Variants in PARD3B observed in about 807,000 individuals in gnomAD.
PARD3B encodes the protein par-3 family cell polarity regulator beta.
Under a neutral mutation model 130.2 loss-of-function variants are expected in PARD3B, and 103 were observed. That is an observed-to-expected ratio of 0.79 (90% CI 0.67 to 0.93). PARD3B has a LOEUF of 0.93. Ranked by LOEUF, PARD3B falls within the 40% of genes least tolerant of loss-of-function variation. The pLI is 0.00. For synonymous variants in PARD3B, 583 were observed against 553.2 expected (o/e 1.05, Z -0.76); for missense variants, 1,609 against 1,499.2 (o/e 1.07, Z -1.21).
At chr2:204,688,293 A>G (rs1174637162) in intron 2 of PARD3B, among the ~76,000 whole-genome samples, 1 of 152,130 alleles carries the variant, frequency 6.6e-6, no homozygotes, top group African/African-American at 2.4e-5. Context: ...TTCTTAAAAA[A>G]TACGTAAGTG....
At chr2:204,599,470 T>A (rs1179443631) in intron 1 of PARD3B, among the ~76,000 whole-genome samples, 1 of 151,962 alleles carries the variant, frequency 6.6e-6, no homozygotes, top group Non-Finnish European at 1.5e-5. Context: ...TTATTTCACT[T>A]AACCTGGTAT....
chr2:204,861,614 A>G (rs1367837937), intron 2 of PARD3B, among the ~76,000 whole-genome samples: 1 of 152,110 alleles, frequency 6.6e-6, no homozygotes, highest in Non-Finnish European at 1.5e-5. Context: ...TGAGCCACCA[A>G]AATTACCATC....
At chr2:205,040,414 G>A (rs1455354132) in intron 3 of PARD3B, among the ~76,000 whole-genome samples, 1 of 152,230 alleles carries the variant, frequency 6.6e-6, no homozygotes, top group African/African-American at 2.4e-5. Flanking sequence ...ATAATGGTTA[G>A]AAGGAAAGTT....
At chr2:205,411,469 C>T (rs1447443817) in intron 19 of PARD3B, among the ~76,000 whole-genome samples, 1 of 152,104 alleles carries the variant, frequency 6.6e-6, no homozygotes, top group African/African-American at 2.4e-5. Context: ...TGCTTCAAGT[C>T]TCATGTGTTA....
At chr2:205,468,011 G>A (rs2048691913) in intron 20 of PARD3B, among the ~76,000 whole-genome samples, 1 of 152,202 alleles carries the variant, frequency 6.6e-6, no homozygotes, top group African/African-American at 2.4e-5. Flanking sequence ...GCCAGATGCT[G>A]CACAGTAAGG....
intron 1 of PARD3B, 91 bp downstream of exon 1, chr2:204,546,210 C>T (rs770376441): frequency 7.3e-5 from 110 of 1,515,268 alleles, no homozygotes; most frequent in Admixed American, 1.4e-4. Context: ...TGCAGAAAAC[C>T]CAGGGGATTA....
chr2:205,107,897 A>G (rs1703339428), intron 5 of PARD3B, among the ~76,000 whole-genome samples: 1 of 152,160 alleles, frequency 6.6e-6, no homozygotes, highest in Non-Finnish European at 1.5e-5. Context: ...TTAAATAGCA[A>G]GCAATATGTA....
chr2:205,536,712 A>T (rs1559191091), intron 21 of PARD3B, among the ~76,000 whole-genome samples: 2 of 152,178 alleles, frequency 1.3e-5, no homozygotes. Flanking sequence ...ACTTCCTTCC[A>T]AGTGACTTGG....
intron 1 of PARD3B, among the ~76,000 whole-genome samples, chr2:204,564,844 A>C (rs775046651): frequency 7.2e-5 from 11 of 152,254 alleles, no homozygotes; most frequent in Non-Finnish European, 1.2e-4. Context: ...AATTGTAGAT[A>C]TGCTTTTTGT....
At chr2:204,963,754 A>G (rs527506384) in intron 2 of PARD3B, among the ~76,000 whole-genome samples, 31 of 152,282 alleles carry the variant, frequency 2.0e-4, no homozygotes, top group African/African-American at 7.0e-4. Flanking sequence ...CTTATCTCCA[A>G]TAAGTTCATC....
intron 4 of PARD3B, among the ~76,000 whole-genome samples, chr2:205,065,583 G>A (rs1425613320): frequency 6.6e-6 from 1 of 152,126 alleles, no homozygotes; most frequent in Non-Finnish European, 1.5e-5. Flanking sequence ...AGTGGGAGGT[G>A]TTTGAATCAT....
intron 1 of PARD3B, among the ~76,000 whole-genome samples, chr2:204,674,644 T>G (rs1472655321): frequency 6.6e-6 from 1 of 152,224 alleles, no homozygotes; most frequent in South Asian, 2.1e-4. Context: ...CCAGTACCTC[T>G]TCTGCAATAA....
intron 2 of PARD3B, among the ~76,000 whole-genome samples, chr2:204,712,617 AAAAAAAAAAC>A (rs1295403030): frequency 3.3e-5 from 5 of 150,494 alleles, no homozygotes; most frequent in Non-Finnish European, 7.4e-5. Flanking sequence ...CCATCTCAAA[AAAAAAAAAAC>A]AAAAAAAAAA....
In PARD3B at chr2:204,906,437, A is replaced by G. The variant is rs2047045316; in HGVS notation, c.223-58715A>G. Among the ~76,000 whole-genome samples, 1 of 152,174 alleles carries G rather than the reference A, an allele frequency of 6.6e-6. No individual in the cohort carries two copies. The highest frequency in any genetic ancestry group is 1.5e-5 in the Non-Finnish European group (1 of 68,030). On this transcript the variant is annotated intron_variant, in intron 2 of 22. Coordinates refer to ENST00000406610, the MANE Select transcript of PARD3B (RefSeq NM_001302769.2). This position sits in a 1 kb window ranked among gnomAD's most constrained non-coding sequence, Gnocchi z 4.3. ...TGTGTGTGTATGTATAAATGAATGA[A>G]TATGGGAAGAGAGAATTCTCCTCCC...
intron 2 of PARD3B, among the ~76,000 whole-genome samples, chr2:204,812,200 G>T (rs2125525843): frequency 6.6e-6 from 1 of 152,236 alleles, no homozygotes; most frequent in Middle Eastern, 3.4e-3. Context: ...TGAGCATAAA[G>T]TTTTTTGTAT....
intron 2 of PARD3B, among the ~76,000 whole-genome samples, chr2:204,730,777 A>C (rs1416697758): frequency 6.6e-6 from 1 of 152,148 alleles, no homozygotes; most frequent in East Asian, 1.9e-4. Flanking sequence ...GGCATGTATA[A>C]ATTGACAGTG....
intron 2 of PARD3B, among the ~76,000 whole-genome samples, chr2:204,865,978 G>C (rs890289396): frequency 1.3e-5 from 2 of 152,178 alleles, no homozygotes; most frequent in Non-Finnish European, 2.9e-5. Context: ...TTTCAGGACA[G>C]ATCCTGCCTG....
At chr2:204,655,444 C>T (rs527612533) in intron 1 of PARD3B, among the ~76,000 whole-genome samples, 20 of 152,182 alleles carry the variant, frequency 1.3e-4, no homozygotes, top group East Asian at 1.9e-4. Context: ...TTCCTGGATG[C>T]GTTTTCCTCA....
intron 5 of PARD3B, among the ~76,000 whole-genome samples, chr2:205,111,174 A>G (rs1456756830): frequency 1.3e-5 from 2 of 152,110 alleles, no homozygotes; most frequent in Non-Finnish European, 2.9e-5. Flanking sequence ...TATTAAATAG[A>G]TCTAACTTTC....
Sources: allele counts gnomAD v4.1 joint callset (sites outside exome capture counted in the v4.1 genomes callset), GRCh38; gene constraint gnomAD v4.1.1; non-coding constraint Gnocchi (gnomAD v3.1); transcripts MANE v1.5; gene names NCBI Gene and HGNC (gene_info 2026-07-23, HGNC 2026-07-21).